Variants in NOVA1 observed in about 807,000 individuals in gnomAD.
NOVA1 encodes NOVA alternative splicing regulator 1.
A neutral mutation model predicts 38.0 loss-of-function variants in NOVA1; 7 were observed. That is an observed-to-expected ratio of 0.18 (90% CI 0.10 to 0.35). The LOEUF (loss-of-function observed/expected upper bound fraction) is 0.35. NOVA1 is among the 10% of genes least tolerant of loss of function. The pLI is 1.00. For synonymous variants in NOVA1, 270 were observed against 232.5 expected, an observed-to-expected ratio of 1.16 and a Z score of -1.47; for missense variants, 460 against 616.0, an observed-to-expected ratio of 0.75 and a Z score of 2.68.
chr14:26,448,923 A>G lies in NOVA1; in HGVS notation c.560T>C (p.Ile187Thr). 1 of 1,613,846 alleles carries G rather than the reference A, an allele frequency of 6.2e-7. No homozygotes were observed. The highest frequency in any genetic ancestry group is 8.5e-7 in the Non-Finnish European group (1 of 1,179,954). Residue 187 changes from isoleucine (I) to threonine (T), a missense_variant, in exon 5 of 5, where the codon ATA becomes ACA. Physicochemically the swap from Ile to Thr is moderately conservative, Grantham distance 89. Transcript: ENST00000539517. The surrounding 1 kb of genome is among the most constrained non-coding windows in gnomAD (Gnocchi z 5.3). ...CTTCACAGTAGCACCTCCCTTCCCT[A>G]TTATCAGACCTGCTGTGCTGTTGGG... The part of the protein sequence containing the change: ...IVPNSTAGLI[I>T]GKGGATVKAV...
In NOVA1 at chr14:26,506,669, T is replaced by A. The variant is rs956358289; in HGVS notation, c.281-26526A>T. Among the ~76,000 whole-genome samples the A allele has an allele frequency of 5.3e-5, 8 of 152,226 alleles. 1 individual carries two copies. In the East Asian group the frequency reaches 1.2e-3, roughly 22 times the overall value. On this transcript the variant is annotated intron_variant, in intron 2 of 4. Transcript: ENST00000539517. Reference sequence around the variant, plus strand: ...AACTCGGCTCACTGCAACCTCTGCCTCTCGGGTTCAAGGGATTCTCCTGTA... The same window carrying A: ...AACTCGGCTCACTGCAACCTCTGCCACTCGGGTTCAAGGGATTCTCCTGTA...
rs561226361 is a variant in NOVA1 at position 26,578,164 on chromosome 14, T to C, written c.280+17246A>G. Among the ~76,000 whole-genome samples the C allele has an allele frequency of 6.6e-5, 10 of 152,240 alleles. No homozygotes were observed. The East Asian group carries it at 7.7e-4, about 12-fold the overall frequency. ...AGAACTGACCACTGAATAAAAAGTA[T>C]AGAAGCTACCAGTGACTTTAACATG... On this transcript the variant is annotated intron_variant, in intron 2 of 4. Coordinates refer to ENST00000539517, the MANE Select transcript of NOVA1 (RefSeq NM_002515.3).
intron 4 of NOVA1, among the ~76,000 whole-genome samples, chr14:26,449,483 T>A (rs193147359): frequency 1.3e-3 from 200 of 152,252 alleles, no homozygotes; most frequent in African/African-American, 4.6e-3. Flanking sequence ...CACCCAGTAA[T>A]TTTTTTGTTA....
chr14:26,491,079 T>C (rs61986465), intron 2 of NOVA1, among the ~76,000 whole-genome samples: 6,265 of 152,066 alleles, frequency 0.041, 188 homozygotes, highest in South Asian at 0.098. Flanking sequence ...CTCGATCTCC[T>C]GGCCTCATGA....
intron 2 of NOVA1, among the ~76,000 whole-genome samples, chr14:26,499,641 T>C (rs970754907): frequency 2.0e-5 from 3 of 152,128 alleles, no homozygotes; most frequent in Non-Finnish European, 2.9e-5. Context: ...CACTTCCACA[T>C]TTCTCTGATA....
chr14:26,562,976 T>C (rs150866798), intron 2 of NOVA1, among the ~76,000 whole-genome samples: 1 of 152,064 alleles, frequency 6.6e-6, no homozygotes, highest in East Asian at 1.9e-4. Flanking sequence ...TATCTGAAAA[T>C]CCAGTAGTGA....
At chr14:26,592,332 T>C (rs745528732) in intron 2 of NOVA1, among the ~76,000 whole-genome samples, 9 of 151,302 alleles carry the variant, frequency 5.9e-5, no homozygotes, top group Non-Finnish European at 1.0e-4. Context: ...TACTACAAGG[T>C]AACTTGCTAT....
intron 2 of NOVA1, among the ~76,000 whole-genome samples, chr14:26,569,381 C>A (rs1892334285): frequency 6.6e-6 from 1 of 152,082 alleles, no homozygotes; most frequent in Non-Finnish European, 1.5e-5. Context: ...CCTCAAAACA[C>A]AAACATTTTG....
At chr14:26,558,850 T>G (rs1254066894) in intron 2 of NOVA1, among the ~76,000 whole-genome samples, 2 of 152,126 alleles carry the variant, frequency 1.3e-5, no homozygotes, top group African/African-American at 4.8e-5. Context: ...TATATCATTC[T>G]AAAATACTCT....
chr14:26,511,628 T>C (rs1888098844), intron 2 of NOVA1, among the ~76,000 whole-genome samples: 1 of 152,004 alleles, frequency 6.6e-6, no homozygotes, highest in African/African-American at 2.4e-5. Context: ...GGTGCATGCC[T>C]GCAGTCCCAG....
chr14:26,506,745 A>T (rs933907937), intron 2 of NOVA1, among the ~76,000 whole-genome samples: 3 of 151,974 alleles, frequency 2.0e-5, no homozygotes, highest in Non-Finnish European at 2.9e-5. Flanking sequence ...ACGCCCAGCT[A>T]ATTTTTGTAT....
intron 4 of NOVA1, among the ~76,000 whole-genome samples, chr14:26,459,570 A>C (rs1464236239): frequency 6.6e-6 from 1 of 152,172 alleles, no homozygotes; most frequent in Non-Finnish European, 1.5e-5. Context: ...ATGACAGAAA[A>C]GAACATTTAG....
At chr14:26,506,369 C>G (rs1188667405) in intron 2 of NOVA1, among the ~76,000 whole-genome samples, 1 of 152,150 alleles carries the variant, frequency 6.6e-6, no homozygotes, top group Non-Finnish European at 1.5e-5. Flanking sequence ...AAATTCAACC[C>G]TAGTAAGACA....
At chr14:26,568,582 G>A (rs1020682799) in intron 2 of NOVA1, 6 of 152,102 alleles carry the variant, frequency 3.9e-5, no homozygotes, top group Admixed American at 3.9e-4. Flanking sequence ...CTATGTCACA[G>A]AAAAATATTA....
intron 4 of NOVA1, among the ~76,000 whole-genome samples, chr14:26,458,925 A>C (rs920756296): frequency 2.0e-5 from 3 of 152,164 alleles, no homozygotes; most frequent in Non-Finnish European, 4.4e-5. Flanking sequence ...AAAAGAGCCA[A>C]AAAGTAAAAA....
chr14:26,596,531 AC>A, intron 1 of NOVA1: 1 of 1,287,986 alleles, frequency 7.8e-7, no homozygotes, highest in Non-Finnish European at 1.0e-6. Context: ...CACTCAAAAG[AC>A]CCCCATCCGT....
chr14:26,460,404 A>C (rs1232945518), intron 4 of NOVA1, among the ~76,000 whole-genome samples: 3 of 152,044 alleles, frequency 2.0e-5, no homozygotes, highest in African/African-American at 4.8e-5. Context: ...TGGGTGAAAT[A>C]GTTCATTTAT....
intron 4 of NOVA1, among the ~76,000 whole-genome samples, chr14:26,465,733 C>G (rs1040477886): frequency 3.3e-5 from 5 of 152,018 alleles, no homozygotes; most frequent in African/African-American, 1.2e-4. Context: ...GACTTGTAAG[C>G]CTATTCTTTC....
At chr14:26,486,808 G>A (rs178206) in intron 2 of NOVA1, among the ~76,000 whole-genome samples, 1 of 149,188 alleles carries the variant, frequency 6.7e-6, no homozygotes, top group African/African-American at 2.5e-5. Flanking sequence ...AATCATTTTT[G>A]ATTTCATTTT....
Sources: allele counts gnomAD v4.1 joint callset (sites outside exome capture counted in the v4.1 genomes callset), GRCh38; gene constraint gnomAD v4.1.1; non-coding constraint Gnocchi (gnomAD v3.1); transcripts MANE v1.5; gene names NCBI Gene and HGNC (gene_info 2026-07-23, HGNC 2026-07-21).